The following TNRC6B variants were observed in gnomAD, a reference collection of about 807,000 sequenced individuals.
TNRC6B encodes the protein trinucleotide repeat containing adaptor 6B.
TNRC6B carries 52 observed loss-of-function variants against 203.6 expected under a neutral mutation model. That is an observed-to-expected ratio of 0.26 (90% CI 0.20 to 0.32). The LOEUF is 0.32. Ranked by LOEUF, TNRC6B falls within the 10% of genes least tolerant of loss-of-function variation. TNRC6B has a pLI of 1.00. For missense variants in TNRC6B, 1,923 were observed against 2,286.2 expected (o/e 0.84, Z 3.24); for synonymous variants, 838 against 845.7 (o/e 0.99, Z 0.16).
chr22:40,116,877 G>A (rs938499696), intron 1 of TNRC6B, among the ~76,000 whole-genome samples: 1 of 152,212 alleles, frequency 6.6e-6, no homozygotes, highest in Non-Finnish European at 1.5e-5. Flanking sequence ...TGAAGAAGGT[G>A]TTGTTATTGT....
chr22:40,166,524 C>T (rs1254240697), intron 4 of TNRC6B, among the ~76,000 whole-genome samples: 1 of 151,724 alleles, frequency 6.6e-6, no homozygotes, highest in Non-Finnish European at 1.5e-5. Flanking sequence ...CTTCCTATAG[C>T]ATGGTAGACC....
At chr22:40,196,837 G>C (rs972600629) in intron 1 of TNRC6B, among the ~76,000 whole-genome samples, 1 of 152,026 alleles carries the variant, frequency 6.6e-6, no homozygotes, top group African/African-American at 2.4e-5. Flanking sequence ...CTCTGGTCGG[G>C]GGGAAGGGAC....
At chr22:40,294,828 G>T (rs936282555) in intron 12 of TNRC6B, among the ~76,000 whole-genome samples, 1 of 152,206 alleles carries the variant, frequency 6.6e-6, no homozygotes, top group African/African-American at 2.4e-5. Context: ...AGATGAAGAG[G>T]AGTTGTTATC....
At chr22:40,195,480 A>G (rs534727093) in intron 1 of TNRC6B, among the ~76,000 whole-genome samples, 1 of 152,156 alleles carries the variant, frequency 6.6e-6, no homozygotes, top group Non-Finnish European at 1.5e-5. Flanking sequence ...TTAATTTATT[A>G]GAGACAGGGC....
chr22:40,132,969 A>AATATATATATATATATATATATAT (rs1166468730), intron 3 of TNRC6B, among the ~76,000 whole-genome samples: 12 of 78,108 alleles, frequency 1.5e-4, no homozygotes, highest in East Asian at 4.0e-4. Context: ...AAAAAAAAAA[A>AATATATATATATATATATATATAT]ATATATATAT....
At chr22:40,106,536 G>C (rs528717282) in intron 1 of TNRC6B, 1 of 735,130 alleles carries the variant, frequency 1.4e-6, no homozygotes, top group Admixed American at 1.8e-5. Context: ...CCAAGAGATC[G>C]AGCAATCAAA....
At chr22:40,075,156 A>ATATATATATATATATTT in intron 1 of TNRC6B, among the ~76,000 whole-genome samples, 1 of 35,558 alleles carries the variant, frequency 2.8e-5, no homozygotes, top group African/African-American at 1.0e-4. Flanking sequence ...ATATATATAT[A>ATATATATATATATATTT]TTTTTTTTTT....
chr22:40,152,493 A>AT (rs1281619998), intron 3 of TNRC6B, among the ~76,000 whole-genome samples: 6 of 151,774 alleles, frequency 4.0e-5, no homozygotes, highest in Non-Finnish European at 4.4e-5. Flanking sequence ...CGCCCGGCTA[A>AT]TTTTTTTTGT....
intron 3 of TNRC6B, among the ~76,000 whole-genome samples, chr22:40,135,625 C>T (rs977912837): frequency 1.3e-5 from 2 of 152,074 alleles, no homozygotes; most frequent in Non-Finnish European, 2.9e-5. Context: ...CCTCAGCCTC[C>T]GGAATAGCTG....
chr22:40,223,916 C>G (rs1298093991), intron 1 of TNRC6B, among the ~76,000 whole-genome samples: 1 of 152,158 alleles, frequency 6.6e-6, no homozygotes, highest in East Asian at 1.9e-4. Context: ...TCTGTGTTAC[C>G]TTGGACACAA....
intron 1 of TNRC6B, among the ~76,000 whole-genome samples, chr22:40,061,519 G>C (rs1389243463): frequency 1.3e-5 from 2 of 152,006 alleles, no homozygotes; most frequent in Admixed American, 1.3e-4. Flanking sequence ...CACTGTGCCT[G>C]GCCTGGATTT....
At chr22:40,089,743 G>A (rs923607892) in intron 1 of TNRC6B, among the ~76,000 whole-genome samples, 2 of 152,172 alleles carry the variant, frequency 1.3e-5, no homozygotes, top group African/African-American at 2.4e-5. Context: ...CGCTCTTGGT[G>A]TTGCACATTC....
chr22:40,241,294 TG>T (rs1181591585), intron 1 of TNRC6B, among the ~76,000 whole-genome samples: 1 of 152,164 alleles, frequency 6.6e-6, no homozygotes, highest in Non-Finnish European at 1.5e-5. Flanking sequence ...AACATTCTGG[TG>T]TAAAACCACA....
chr22:40,209,282 C>A (rs896977712), intron 1 of TNRC6B, among the ~76,000 whole-genome samples: 2 of 152,256 alleles, frequency 1.3e-5, no homozygotes, highest in African/African-American at 4.8e-5. Flanking sequence ...CTACCAATAT[C>A]CATTTAGTTA....
At chr22:40,318,053 G>A (rs1370266653) in intron 21 of TNRC6B, among the ~76,000 whole-genome samples, 1 of 151,998 alleles carries the variant, frequency 6.6e-6, no homozygotes, top group Non-Finnish European at 1.5e-5. Flanking sequence ...AGACTTCTTA[G>A]GCCTTTTAAT....
Position 40,262,169 on chromosome 22 carries a change from G to T in TNRC6B, c.453G>T (p.Ala151=), listed in dbSNP as rs1185658358. 4 of 1,392,752 alleles carry T rather than the reference G, an allele frequency of 2.9e-6. No homozygotes were observed. The highest frequency in any genetic ancestry group is 3.8e-6 in the Non-Finnish European group (4 of 1,055,862). 86.3% of individuals were successfully genotyped at this position (1,392,752 alleles called of 1,614,324 possible). ...TGCTGCAGAGTGAGAGTGGGACTGC[G>T]CCAGGTAAGGCACCCTGTGAATCGA... The part of the protein sequence containing the change: ...GALLQSESGT[A]PDSTLGGAAA... The change falls in exon 4 of 23, where the codon GCG becomes GCT. Residue 151 remains alanine (A), a synonymous_variant. Coordinates refer to ENST00000454349, the MANE Select transcript of TNRC6B (RefSeq NM_001162501.2).
chr22:40,235,769 A>G (rs2069939222), intron 1 of TNRC6B, among the ~76,000 whole-genome samples: 1 of 152,222 alleles, frequency 6.6e-6, no homozygotes, highest in African/African-American at 2.4e-5. Context: ...TAAACTAACA[A>G]TTTGAGCATG....
At chr22:40,195,800 C>T (rs922148805) in intron 1 of TNRC6B, among the ~76,000 whole-genome samples, 6 of 149,646 alleles carry the variant, frequency 4.0e-5, no homozygotes, top group African/African-American at 9.9e-5. Context: ...GACGGAGTCT[C>T]GCTCTGTCGC....
intron 4 of TNRC6B, 72 bp downstream of exon 4, chr22:40,262,245 T>A: frequency 7.8e-7 from 1 of 1,290,220 alleles, no homozygotes; most frequent in Non-Finnish European, 1.0e-6. Context: ...TTGCTTGATG[T>A]AAAGTCCAGG....
Sources: gnomAD v4.1 joint callset for allele counts (sites outside exome capture counted in the v4.1 genomes callset) on GRCh38, gnomAD v4.1.1 for gene constraint, MANE v1.5 for transcripts, NCBI Gene and HGNC (gene_info 2026-07-23, HGNC 2026-07-21) for gene names.